The following PDZD2 variants were observed in gnomAD, a reference collection of about 807,000 sequenced individuals.
The protein encoded by PDZD2 is PDZ domain containing 2, also known as PDZ domain-containing protein 2.
Under a neutral mutation model 220.7 loss-of-function variants are expected in PDZD2, and 90 were observed. The observed-to-expected ratio is 0.41, with a 90% CI of 0.34 to 0.49. PDZD2 has a LOEUF of 0.49. Among genes scored for constraint, PDZD2 ranks in the 20% least tolerant of loss-of-function variants. PDZD2 has a pLI of 0.28. For missense variants in PDZD2, 3,174 were observed against 3,608.5 expected (o/e 0.88, Z 3.08); for synonymous variants, 1,375 against 1,450.5 (o/e 0.95, Z 1.18).
intron 5 of PDZD2, among the ~76,000 whole-genome samples, chr5:32,002,603 C>CACACCACACACACACCAACACACCACCAA: frequency 7.6e-6 from 1 of 131,718 alleles, no homozygotes; most frequent in Non-Finnish European, 1.7e-5. Flanking sequence ...CACACACACA[C>CACACCACACACACACCAACACACCACCAA]CACACACACA....
intron 7 of PDZD2, among the ~76,000 whole-genome samples, chr5:32,042,294 G>A (rs1467977263): frequency 3.3e-5 from 5 of 151,304 alleles, no homozygotes; most frequent in Non-Finnish European, 5.9e-5. Flanking sequence ...GGGCATGGTG[G>A]CTCACGCCTG....
intron 23 of PDZD2, 176 bp from the exon 24 acceptor site, chr5:32,100,929 G>T (rs1744197981): frequency 6.3e-7 from 1 of 1,596,600 alleles, no homozygotes; most frequent in African/African-American, 1.3e-5. Context: ...GAATTGGGAG[G>T]CCAACAGTGC....
At chr5:31,963,982 C>G (rs1748485879) in intron 2 of PDZD2, among the ~76,000 whole-genome samples, 1 of 152,188 alleles carries the variant, frequency 6.6e-6, no homozygotes, top group East Asian at 1.9e-4. Flanking sequence ...ACATTTGCCC[C>G]AGCTTTCCAG....
At chr5:31,879,626 G>T (rs1255905138) in intron 2 of PDZD2, among the ~76,000 whole-genome samples, 1 of 152,006 alleles carries the variant, frequency 6.6e-6, no homozygotes, top group Non-Finnish European at 1.5e-5. Flanking sequence ...TTGGTGTTTC[G>T]TGCCTACATT....
chr5:31,938,662 A>G (rs1745964336), intron 2 of PDZD2, among the ~76,000 whole-genome samples: 1 of 145,482 alleles, frequency 6.9e-6, no homozygotes, highest in Non-Finnish European at 1.5e-5. Context: ...GCCACTTTGG[A>G]AAAAAAAAAG....
At position 31,850,216 on chromosome 5, in the gene PDZD2, A is replaced by G. The variant is rs917609962; in HGVS notation, c.476+50492A>G. ...TATGTATATATAAGTATATATGTGT[A>G]TATATATAAGTATATATATATATAT... On this transcript the variant is annotated intron_variant, in intron 2 of 24. Transcript: ENST00000438447. Among the ~76,000 whole-genome samples, 194 of 99,344 alleles carry G rather than the reference A, an allele frequency of 2.0e-3. 3 individuals carry two copies. The highest frequency in any genetic ancestry group is 0.011 in the African/African-American group (191 of 17,576). 65.2% of individuals were successfully genotyped at this position (99,344 alleles called of 152,430 possible). A position where few individuals can be genotyped will look rare whatever the true frequency, so the allele number is the denominator to read the frequency against.
Position 31,991,247 on chromosome 5 carries a change from G to A in PDZD2, c.979-4329G>A, listed in dbSNP as rs976747766. Among the ~76,000 whole-genome samples the A allele has an allele frequency of 4.6e-5, 7 of 152,298 alleles. No individual in the cohort carries two copies. In the East Asian group the frequency reaches 1.2e-3, roughly 25 times the overall value. ...TTTGATGGAGGATAATGGATTGTAG[G>A]AGGTGAAATTTAAAAGGGAGACCAA... On this transcript the variant is annotated intron_variant, in intron 3 of 24. Coordinates refer to ENST00000438447, the MANE Select transcript of PDZD2 (RefSeq NM_178140.4).
At chr5:32,057,093 C>G (rs1339366825) in intron 10 of PDZD2, among the ~76,000 whole-genome samples, 1 of 151,854 alleles carries the variant, frequency 6.6e-6, no homozygotes, top group Admixed American at 6.6e-5. Flanking sequence ...GAGCAATACT[C>G]TGTTTCAAAA....
intron 6 of PDZD2, among the ~76,000 whole-genome samples, chr5:32,013,160 T>G (rs1299746176): frequency 6.6e-6 from 1 of 152,194 alleles, no homozygotes; most frequent in African/African-American, 2.4e-5. Flanking sequence ...TGTATCCCTA[T>G]GTCATTAAAG....
chr5:31,984,614 A>G (rs1000915380), intron 3 of PDZD2, among the ~76,000 whole-genome samples: 2 of 152,170 alleles, frequency 1.3e-5, no homozygotes, highest in Admixed American at 1.3e-4. Context: ...CTGTAGTCCC[A>G]GCATCTTGGG....
At chr5:31,892,808 C>T (rs1012443553) in intron 2 of PDZD2, among the ~76,000 whole-genome samples, 4 of 106,390 alleles carry the variant, frequency 3.8e-5, no homozygotes, top group Non-Finnish European at 7.8e-5. Context: ...TGGGCTCCAG[C>T]AGTCCTCCTG....
intron 2 of PDZD2, among the ~76,000 whole-genome samples, chr5:31,973,395 T>G (rs764844819): frequency 3.3e-5 from 5 of 152,236 alleles, no homozygotes; most frequent in Non-Finnish European, 5.9e-5. Context: ...TCATTGATCA[T>G]ATCATTTAGC....
chr5:31,647,779 T>C (rs1326031975), intron 1 of PDZD2, among the ~76,000 whole-genome samples: 1 of 152,224 alleles, frequency 6.6e-6, no homozygotes. Context: ...GATGTGGGTA[T>C]ATCTTTTGGG....
chr5:31,792,535 C>T (rs1753785012), intron 1 of PDZD2, among the ~76,000 whole-genome samples: 1 of 152,100 alleles, frequency 6.6e-6, no homozygotes, highest in Non-Finnish European at 1.5e-5. Context: ...TCTCATGCCC[C>T]AGCCTCCCGA....
chr5:32,040,303 G>T (rs1447650643), intron 7 of PDZD2, among the ~76,000 whole-genome samples: 9 of 150,216 alleles, frequency 6.0e-5, no homozygotes, highest in African/African-American at 2.2e-4. Flanking sequence ...TCTGGGAAGT[G>T]GGGGGCGCCT....
Position 31,799,144 on chromosome 5 carries a change from G to A in PDZD2, c.-105G>A, listed in dbSNP as rs947146491. The stretch of plus-strand genomic sequence containing the variant: ...ATCTGCCAGCCTGAACATGAACACA[G>A]GCAAAGCTGATGATGGCCAGGGACC... On this transcript the variant is annotated 5_prime_UTR_variant, in exon 2 of 25. Transcript: ENST00000438447. 6 of 700,482 alleles carry A rather than the reference G, an allele frequency of 8.6e-6. No individual in the cohort carries two copies. Among genetic ancestry groups the A allele is most frequent in the Non-Finnish European group, 1.4e-5 (6 of 416,866 alleles). The allele number at this position is 700,482 out of a possible 1,614,324, so 43.4% of individuals were successfully genotyped here. A position where few individuals can be genotyped will look rare whatever the true frequency, so the allele number is the denominator to read the frequency against.
intron 1 of PDZD2, among the ~76,000 whole-genome samples, chr5:31,645,668 G>A (rs956779648): frequency 6.6e-6 from 1 of 152,104 alleles, no homozygotes; most frequent in Non-Finnish European, 1.5e-5. Flanking sequence ...GACACCTCTA[G>A]TACTTGGCTT....
intron 8 of PDZD2, among the ~76,000 whole-genome samples, chr5:32,051,356 G>A (rs1459471012): frequency 6.6e-6 from 1 of 151,948 alleles, no homozygotes; most frequent in Admixed American, 6.5e-5. Flanking sequence ...TTGTAAAACC[G>A]CAAAAAAGAA....
chr5:32,005,544 A>G (rs1216067803), intron 5 of PDZD2, among the ~76,000 whole-genome samples: 17 of 151,772 alleles, frequency 1.1e-4, no homozygotes, highest in Admixed American at 1.1e-3. Context: ...AAAACAGAGA[A>G]GAAGAAGATG....
Sources: allele counts gnomAD v4.1 joint callset (sites outside exome capture counted in the v4.1 genomes callset), GRCh38; gene constraint gnomAD v4.1.1; transcripts MANE v1.5; gene names NCBI Gene and HGNC (gene_info 2026-07-23, HGNC 2026-07-21).